Variants in SOAT1 observed in about 807,000 individuals in gnomAD.
SOAT1 encodes the protein sterol O-acyltransferase 1.
SOAT1 carries 55 observed loss-of-function variants against 69.5 expected under a neutral mutation model. That is an observed-to-expected ratio of 0.79 (90% CI 0.64 to 0.99). SOAT1 has a LOEUF of 0.99. SOAT1 is among the 50% of genes least tolerant of loss of function. The pLI is 0.00. For missense variants in SOAT1, 580 were observed against 669.3 expected (o/e 0.87, Z 1.47); for synonymous variants, 231 against 224.7 (o/e 1.03, Z -0.25).
At chr1:179,302,946 G>C (rs1571403246) in intron 2 of SOAT1, 144 bp downstream of exon 2, 1 of 520,552 alleles carries the variant, frequency 1.9e-6, no homozygotes, top group East Asian at 3.2e-5. Flanking sequence ...AAAGCAATTA[G>C]ACAATAAGTC....
rs112792157 is a variant in SOAT1, at chr1:179,313,819, G to A, written c.119-9618G>A. Among the ~76,000 whole-genome samples the A allele has an allele frequency of 7.7e-3, 1,174 of 152,144 alleles. 7 individuals are homozygous for A. Among genetic ancestry groups the A allele is most frequent in the African/African-American group, 0.026 (1,096 of 41,534 alleles). ...GGCTGGTCTCGAACTCCTGACCTCC[G>A]GTGATCTGCCTGCCTCGGCCTCCCA... On this transcript the variant is annotated intron_variant, in intron 2 of 15. Coordinates refer to ENST00000367619, the MANE Select transcript of SOAT1 (RefSeq NM_003101.6).
intron 6 of SOAT1, among the ~76,000 whole-genome samples, chr1:179,340,477 T>A (rs1395794325): frequency 6.6e-6 from 1 of 152,152 alleles, no homozygotes; most frequent in African/African-American, 2.4e-5. Context: ...GGAGACCAGA[T>A]CTCAAAATAA....
chr1:179,299,918 T>TA (rs1664777557), intron 1 of SOAT1, among the ~76,000 whole-genome samples: 1 of 141,142 alleles, frequency 7.1e-6, no homozygotes, highest in South Asian at 2.3e-4. Context: ...CATGCCCAGC[T>TA]AATTTTTTTT....
intron 8 of SOAT1, 117 bp downstream of exon 8, chr1:179,342,309 T>TTTTCTC (rs1373240117): frequency 5.0e-6 from 3 of 605,372 alleles, no homozygotes; most frequent in African/African-American, 1.9e-5. Context: ...CCCTCTCTCT[T>TTTTCTC]TTTCTCTTTC....
At chr1:179,349,478 C>G (rs142196396) in intron 13 of SOAT1, among the ~76,000 whole-genome samples, 1,782 of 152,080 alleles carry the variant, frequency 0.012, 32 homozygotes, top group African/African-American at 0.039. Context: ...CAGGCATGCA[C>G]CACCACGCCC....
intron 2 of SOAT1, among the ~76,000 whole-genome samples, chr1:179,322,159 C>A (rs554171666): frequency 1.3e-5 from 2 of 152,264 alleles, no homozygotes; most frequent in East Asian, 3.9e-4. Context: ...GCTAGGATTA[C>A]AAGTGTGCAC....
At chr1:179,315,770 G>A (rs1243462100) in intron 2 of SOAT1, among the ~76,000 whole-genome samples, 1 of 152,128 alleles carries the variant, frequency 6.6e-6, no homozygotes, top group Non-Finnish European at 1.5e-5. Context: ...TGGATAGACA[G>A]ATTCTTTTTG....
At chr1:179,328,136 G>T (rs1331865502) in intron 3 of SOAT1, among the ~76,000 whole-genome samples, 3 of 152,108 alleles carry the variant, frequency 2.0e-5, no homozygotes, top group Non-Finnish European at 2.9e-5. Context: ...GTCTCACTAT[G>T]TTGCCCAGGC....
chr1:179,354,819 G>A lies in SOAT1; in HGVS notation c.*1178G>A, dbSNP rs923034981. 3.3e-5 allele frequency: 5 copies of A among 152,200 alleles called. No homozygotes were observed. The highest frequency in any genetic ancestry group is 5.9e-5 in the Non-Finnish European group (4 of 68,046). The allele number at this position is 152,200 out of a possible 1,614,324, so 9.4% of individuals were successfully genotyped here. A position where few individuals can be genotyped will look rare whatever the true frequency, so the allele number is the denominator to read the frequency against. ...CAATGTGTGTAGGAATTATTTGTATGTATGAGGTATGATTGTAAAGATTGA... is the reference window on the plus strand; with the variant it reads ...CAATGTGTGTAGGAATTATTTGTATATATGAGGTATGATTGTAAAGATTGA... On this transcript the variant is annotated 3_prime_UTR_variant, in exon 16 of 16. Transcript: ENST00000367619.
intron 2 of SOAT1, among the ~76,000 whole-genome samples, chr1:179,313,391 T>C (rs1230722852): frequency 7.1e-6 from 1 of 141,682 alleles, no homozygotes; most frequent in Non-Finnish European, 1.6e-5. Context: ...AGAAACACTA[T>C]AGTTATGATA....
At chr1:179,338,554 A>G (rs1666233583) in intron 5 of SOAT1, among the ~76,000 whole-genome samples, 2 of 152,234 alleles carry the variant, frequency 1.3e-5, no homozygotes, top group Admixed American at 6.5e-5. Context: ...TGTGCTGTTC[A>G]GTGTTTTCTA....
At chr1:179,339,409 A>C (rs1162857188) in intron 5 of SOAT1, 29 bp from the exon 6 acceptor site, 5 of 1,430,882 alleles carry the variant, frequency 3.5e-6, no homozygotes, top group Non-Finnish European at 4.8e-6. Context: ...ATACATTATT[A>C]ACTTGTTTTG....
At chr1:179,343,899 G>A (rs1666429513) in intron 10 of SOAT1, among the ~76,000 whole-genome samples, 1 of 152,174 alleles carries the variant, frequency 6.6e-6, no homozygotes, top group Admixed American at 6.5e-5. Flanking sequence ...TAGGTGGGCA[G>A]ATCGCGAGGT....
intron 2 of SOAT1, among the ~76,000 whole-genome samples, chr1:179,311,053 C>T (rs1415807857): frequency 6.6e-6 from 1 of 151,980 alleles, no homozygotes; most frequent in African/African-American, 2.4e-5. Context: ...TTCTTTGAAT[C>T]TCAGTTTCTT....
At chr1:179,345,535 A>G (rs1441687605) in intron 11 of SOAT1, among the ~76,000 whole-genome samples, 1 of 151,104 alleles carries the variant, frequency 6.6e-6, no homozygotes, top group Non-Finnish European at 1.5e-5. Context: ...TGCTGACCAC[A>G]TTTTTAAATC....
intron 6 of SOAT1, 29 bp from the exon 7 acceptor site, chr1:179,340,999 T>C (rs747582412): frequency 1.9e-6 from 3 of 1,604,602 alleles, no homozygotes; most frequent in Non-Finnish European, 2.6e-6. Context: ...TTCACCTCTA[T>C]GTTCTTTTTC....
intron 3 of SOAT1, among the ~76,000 whole-genome samples, chr1:179,326,025 C>G (rs1038298473): frequency 6.6e-6 from 1 of 152,030 alleles, no homozygotes; most frequent in African/African-American, 2.4e-5. Flanking sequence ...CAGAGTTGTG[C>G]AAGACTTGTT....
chr1:179,316,065 TACA>T (rs1398894896), intron 2 of SOAT1, among the ~76,000 whole-genome samples: 6 of 152,350 alleles, frequency 3.9e-5, no homozygotes, highest in Admixed American at 3.9e-4. Flanking sequence ...CCTTGCCATT[TACA>T]ACATCACTTT....
chr1:179,314,864 GAGAT>G (rs934413702), intron 2 of SOAT1, among the ~76,000 whole-genome samples: 1 of 152,184 alleles, frequency 6.6e-6, no homozygotes, highest in African/African-American at 2.4e-5. Context: ...GGTTTTAAAA[GAGAT>G]AGCATTTATT....
Sources: gnomAD v4.1 joint callset for allele counts (sites outside exome capture counted in the v4.1 genomes callset) on GRCh38, gnomAD v4.1.1 for gene constraint, MANE v1.5 for transcripts, NCBI Gene and HGNC (gene_info 2026-07-23, HGNC 2026-07-21) for gene names.